SLC1A4: variants seen among roughly 807,000 people sequenced by gnomAD.
SLC1A4 encodes the protein solute carrier family 1 member 4.
Under a neutral mutation model 37.7 loss-of-function variants are expected in SLC1A4, and 19 were observed. The ratio of observed to expected loss-of-function variants is 0.50; its 90% CI spans 0.35 to 0.74. The LOEUF is 0.74. Ranked by LOEUF, SLC1A4 falls within the 30% of genes least tolerant of loss-of-function variation. SLC1A4 has a pLI of 0.01. For missense variants in SLC1A4, 570 were observed against 712.9 expected, an observed-to-expected ratio of 0.80 and a Z score of 2.28; for synonymous variants, 299 against 309.8, an observed-to-expected ratio of 0.97 and a Z score of 0.37.
Position 65,016,727 on chromosome 2 carries a change from G to C in SLC1A4, c.1034+54G>C. Reference sequence around the variant, plus strand: ...TCTGAGCCATGTTAACATGGAACCAGGTGAGCCCAGTGGTAGATGCACAAC... The same window carrying C: ...TCTGAGCCATGTTAACATGGAACCACGTGAGCCCAGTGGTAGATGCACAAC... On this transcript the variant is annotated intron_variant, in intron 5 of 7. Coordinates refer to ENST00000234256, the MANE Select transcript of SLC1A4 (RefSeq NM_003038.5). 5 of 1,194,532 alleles carry C rather than the reference G, an allele frequency of 4.2e-6. No individual in the cohort carries two copies. The Admixed American group carries it at 8.5e-5, about 20-fold the overall frequency. The allele number at this position is 1,194,532 out of a possible 1,614,324, so 74.0% of individuals were successfully genotyped here.
chr2:65,016,593 T>C lies in SLC1A4; in HGVS notation c.954T>C (p.Phe318=), dbSNP rs1174189751. The C allele has an allele frequency of 2.5e-6, 4 of 1,614,228 alleles. No homozygotes were observed. The highest frequency in any genetic ancestry group is 2.5e-6 in the Non-Finnish European group (3 of 1,180,034). Residue 318 remains phenylalanine (F), a synonymous_variant, in exon 5 of 8, where the codon TTT becomes TTC. Transcript: ENST00000234256. ...GAATTGTTCTGCCACTTATTTATTT[T>C]GTTTTCACACGAAAAAACCCATTCA... The part of the protein sequence containing the change: ...HGGIVLPLIY[F]VFTRKNPFRF...
chr2:65,011,119 T>A (rs1367104167), intron 4 of SLC1A4, among the ~76,000 whole-genome samples: 1 of 152,210 alleles, frequency 6.6e-6, no homozygotes, highest in Non-Finnish European at 1.5e-5. Context: ...TAGTTTGCTA[T>A]CTGTTGCATG....
intron 1 of SLC1A4, 177 bp from the exon 2 acceptor site, chr2:65,001,271 T>G (rs1370116260): frequency 1.7e-6 from 1 of 603,498 alleles, no homozygotes; most frequent in Non-Finnish European, 2.9e-6. Flanking sequence ...GTACCATGGC[T>G]CACGCCTGTA....
At chr2:65,016,130 C>T (rs1411009259) in intron 4 of SLC1A4, among the ~76,000 whole-genome samples, 1 of 152,206 alleles carries the variant, frequency 6.6e-6, no homozygotes, top group Non-Finnish European at 1.5e-5. Flanking sequence ...ATTTCCTTGC[C>T]TTTCCTCCTG....
chr2:65,020,610 G>T (rs566440046), intron 7 of SLC1A4, among the ~76,000 whole-genome samples: 1 of 152,142 alleles, frequency 6.6e-6, no homozygotes, highest in East Asian at 1.9e-4. Context: ...TATAAAATAC[G>T]TGTATAGAAA....
intron 1 of SLC1A4, among the ~76,000 whole-genome samples, chr2:64,991,767 A>AT (rs1413502313): frequency 6.6e-6 from 1 of 151,830 alleles, no homozygotes; most frequent in Non-Finnish European, 1.5e-5. Context: ...CGCCCGGCTA[A>AT]TTTTTTGTAT....
upstream of SLC1A4, chr2:64,989,382 C>T (rs1672946369): frequency 2.9e-6 from 1 of 343,052 alleles, no homozygotes; most frequent in Non-Finnish European, 5.2e-6. Context: ...TCCGCGTTCG[C>T]GGCTCCCGTT....
At position 65,018,588 on chromosome 2, in the gene SLC1A4, G is replaced by A. The variant is rs1169386601; in HGVS notation, c.1273G>A (p.Ala425Thr). 4.3e-6 allele frequency: 7 copies of A among 1,614,244 alleles called. No homozygotes were observed. The highest frequency in any genetic ancestry group is 1.3e-5 in the African/African-American group (1 of 75,060). Residue 425 changes from alanine (A) to threonine (T), a missense_variant, in exon 7 of 8, where the codon GCT becomes ACT. Transcript: ENST00000234256. This position sits in a 1 kb window ranked among gnomAD's most constrained non-coding sequence, Gnocchi z 4.3. ...CAGTGTTGGAGCAGCAGGCGTGCCA[G>A]CTGGAGGGGTCCTCACCATTGCCAT... is the stretch of plus-strand genomic sequence containing the variant. ...ASSVGAAGVP[A>T]GGVLTIAIIL... is the part of the protein sequence containing the mutation.
At position 65,004,107 on chromosome 2, in the gene SLC1A4, T is replaced by C. The variant is rs914996106; in HGVS notation, c.633+92T>C. 21 of 1,116,456 alleles carry C rather than the reference T, an allele frequency of 1.9e-5. No homozygotes were observed. The African/African-American group carries it at 3.3e-4, about 17-fold the overall frequency. 69.2% of individuals were successfully genotyped at this position (1,116,456 alleles called of 1,614,324 possible). A position where few individuals can be genotyped will look rare whatever the true frequency, so the allele number is the denominator to read the frequency against. ...AGCATACAGGACGTGGGCTGAAAACTTTGAGGTTTGAATGGGCTATTGGAG... is the reference window on the plus strand; with the variant it reads ...AGCATACAGGACGTGGGCTGAAAACCTTGAGGTTTGAATGGGCTATTGGAG... On this transcript the variant is annotated intron_variant, in intron 3 of 7. Coordinates refer to ENST00000234256, the MANE Select transcript of SLC1A4 (RefSeq NM_003038.5).
intron 1 of SLC1A4, among the ~76,000 whole-genome samples, chr2:64,990,626 TTC>T (rs1244109652): frequency 6.6e-6 from 1 of 152,218 alleles, no homozygotes; most frequent in Non-Finnish European, 1.5e-5. Flanking sequence ...ATCTATGGCC[TTC>T]TCTGTTACAG....
chr2:65,016,632 C>T lies in SLC1A4; in HGVS notation c.993C>T (p.Gly331=). The stretch of plus-strand genomic sequence containing the variant: ...AAAACCCATTCAGATTCCTCCTGGG[C>T]CTCCTCGCCCCATTTGCGACAGCAT... ...TRKNPFRFLL[G]LLAPFATAFA... The change falls in exon 5 of 8, where the codon GGC becomes GGT. Residue 331 remains glycine (G), a synonymous_variant. Coordinates refer to ENST00000234256, the MANE Select transcript of SLC1A4 (RefSeq NM_003038.5). 1 of 1,614,180 alleles carries T rather than the reference C, an allele frequency of 6.2e-7. No individual in the cohort carries two copies. Among genetic ancestry groups the T allele is most frequent in the Non-Finnish European group, 8.5e-7 (1 of 1,180,028 alleles).
At position 65,018,418 on chromosome 2, in the gene SLC1A4, G is replaced by A. The variant is rs529363681; in HGVS notation, c.1230-127G>A. The A allele has an allele frequency of 1.3e-4, 181 of 1,419,912 alleles. No individual in the cohort carries two copies. Among genetic ancestry groups the A allele is most frequent in the Non-Finnish European group, 1.5e-4 (161 of 1,045,756 alleles). 88.0% of individuals were successfully genotyped at this position (1,419,912 alleles called of 1,614,324 possible). A position where few individuals can be genotyped will look rare whatever the true frequency, so the allele number is the denominator to read the frequency against. The stretch of plus-strand genomic sequence containing the variant: ...AGAGCGTGTGTTGACTCTCAAGGGC[G>A]TAGCCAGCAGAGCCTATGGTGGGGC... On this transcript the variant is annotated intron_variant, in intron 6 of 7. Transcript: ENST00000234256. The surrounding 1 kb of genome is among the most constrained non-coding windows in gnomAD (Gnocchi z 4.3).
At chr2:65,016,987 T>C (rs1323235025) in intron 5 of SLC1A4, among the ~76,000 whole-genome samples, 1 of 152,198 alleles carries the variant, frequency 6.6e-6, no homozygotes, top group Non-Finnish European at 1.5e-5. Context: ...AGCTTTTCTG[T>C]ATTCCCCTGG....
rs77343455 is a variant in SLC1A4 at position 64,995,817 on chromosome 2, T to A, written c.528-5631T>A. On this transcript the variant is annotated intron_variant, in intron 1 of 7. Coordinates refer to ENST00000234256, the MANE Select transcript of SLC1A4 (RefSeq NM_003038.5). ...AATATGCCCAAGCAAAAGTAAATTG[T>A]TTTACATTCTTTTCATATAGAACAG... Among the ~76,000 whole-genome samples the A allele has an allele frequency of 3.4e-3, 516 of 152,304 alleles. 4 individuals carry two copies. Among genetic ancestry groups the A allele is most frequent in the African/African-American group, 0.012 (483 of 41,560 alleles).
chr2:64,990,072 C>T lies in SLC1A4; in HGVS notation c.429C>T (p.Ser143=), dbSNP rs1246563322. ...VALAFIIKPG[S]GAQTLQSSDL... Reference sequence around the variant, plus strand: ...TGGCGTTCATCATCAAGCCAGGATCCGGTGCGCAGACCCTTCAGTCCAGCG... The same window carrying T: ...TGGCGTTCATCATCAAGCCAGGATCTGGTGCGCAGACCCTTCAGTCCAGCG... Residue 143 remains serine (S), a synonymous_variant, in exon 1 of 8, where the codon TCC becomes TCT. Transcript: ENST00000234256. The T allele has an allele frequency of 1.2e-6, 2 of 1,608,218 alleles. No individual in the cohort carries two copies. Among genetic ancestry groups the T allele is most frequent in the Admixed American group, 3.4e-5 (2 of 59,444 alleles).
intron 5 of SLC1A4, among the ~76,000 whole-genome samples, chr2:65,017,778 C>T (rs1388113235): frequency 1.3e-5 from 2 of 152,250 alleles, no homozygotes; most frequent in South Asian, 2.1e-4. Flanking sequence ...CTCTCGGGAA[C>T]GTTTTGCACC....
Position 65,016,523 on chromosome 2 carries a change from G to A in SLC1A4, c.884G>A (p.Gly295Glu). 6.2e-7 allele frequency: 1 copy of A among 1,614,174 alleles called. No individual in the cohort carries two copies. Among genetic ancestry groups the A allele is most frequent in the Non-Finnish European group, 8.5e-7 (1 of 1,180,026 alleles). The change falls in exon 5 of 8, where the codon GGG becomes GAG. Residue 295 changes from glycine (G) to glutamate (E), a missense_variant. By Grantham distance (98) the Gly-to-Glu change is moderately conservative. Transcript: ENST00000234256. ...ATCATCGTGCTGGTGACCAGCCTGG[G>A]GAAATACATCTTCGCATCTATATTG... ...KDIIVLVTSL[G>E]KYIFASILGH...
rs1451942881 is a variant in SLC1A4, at chr2:65,003,833, C to T, written c.571-120C>T. On this transcript the variant is annotated intron_variant, in intron 2 of 7. Coordinates refer to ENST00000234256, the MANE Select transcript of SLC1A4 (RefSeq NM_003038.5). ...TGTCAGGCCAGCCAAGTGAGGAATG[C>T]CCAGGACACTCAGTGTGAACAGTGA... 4.1e-6 allele frequency: 3 copies of T among 725,104 alleles called. No homozygotes were observed. The East Asian group carries it at 8.0e-5, about 19-fold the overall frequency. The allele number at this position is 725,104 out of a possible 1,614,324, so 44.9% of individuals were successfully genotyped here.
rs554927930 is a variant in SLC1A4 at position 65,020,724 on chromosome 2, TATAAAA to T, written c.1365-180_1365-175del. On this transcript the variant is annotated intron_variant, in intron 7 of 7. Coordinates refer to ENST00000234256, the MANE Select transcript of SLC1A4 (RefSeq NM_003038.5). ...TCTTTATGCTCTTTTTTATTCTTTC[TATAAAA>T]ATAAAAAGTGTTTAAAGAAAATCAA... Among the ~76,000 whole-genome samples the T allele has an allele frequency of 2.2e-4, 33 of 152,338 alleles. No individual in the cohort carries two copies. The South Asian group carries it at 6.6e-3, about 31-fold the overall frequency.
Sources: allele counts gnomAD v4.1 joint callset (sites outside exome capture counted in the v4.1 genomes callset), GRCh38; gene constraint gnomAD v4.1.1; non-coding constraint Gnocchi (gnomAD v3.1); transcripts MANE v1.5; gene names NCBI Gene and HGNC (gene_info 2026-07-23, HGNC 2026-07-21).